BPIFB4: variants seen among roughly 807,000 people sequenced by gnomAD.
BPIFB4 encodes BPI fold containing family B member 4, also known as BPI fold-containing family B member 4.
BPIFB4 carries 62 observed loss-of-function variants against 69.2 expected under a neutral mutation model. The observed-to-expected ratio is 0.90, with a 90% CI of 0.73 to 1.11. The LOEUF is 1.11. Among genes scored for constraint, BPIFB4 ranks in the 50% least tolerant of loss-of-function variants. The probability of loss-of-function intolerance (pLI) is 0.00; values close to 1 mark genes in which losing one functional copy is unlikely to be tolerated. For missense variants in BPIFB4, 789 were observed against 792.0 expected (o/e 1.00, Z 0.04); for synonymous variants, 330 against 332.7 (o/e 0.99, Z 0.09).
intron 7 of BPIFB4, among the ~76,000 whole-genome samples, chr20:33,086,422 C>A (rs528588036): frequency 6.6e-6 from 1 of 152,176 alleles, no homozygotes; most frequent in African/African-American, 2.4e-5. Flanking sequence ...ATGTCATTTG[C>A]GACACACATT....
rs189861407 is a variant in BPIFB4 at position 33,085,286 on chromosome 20, C to A, written c.782+290C>A. ...CCTGGCCAACATGGTGAAACCCCGT[C>A]TCTACTAAAAATACAAAAATGGGCT... On this transcript the variant is annotated intron_variant, in intron 6 of 17. Coordinates refer to ENST00000375483, the MANE Select transcript of BPIFB4 (RefSeq NM_182519.3). 4.9e-3 allele frequency among the ~76,000 whole-genome samples: 748 copies of A among 152,232 alleles called. 6 individuals carry two copies. The highest frequency in any genetic ancestry group is 0.018 in the African/African-American group (729 of 41,528).
At position 33,083,508 on chromosome 20, in the gene BPIFB4, G is replaced by T; in HGVS notation, c.311G>T (p.Arg104Leu). 1 of 1,614,040 alleles carries T rather than the reference G, an allele frequency of 6.2e-7. No individual in the cohort carries two copies. Among genetic ancestry groups the T allele is most frequent in the South Asian group, 1.1e-5 (1 of 91,078 alleles). The part of the protein sequence containing the change: ...DNTAQLGGKY[R>L]YGEILESEGS... ...ACTGCTCAGCTGGGGGGCAAATACC[G>T]ATATGGTGAGATCCTTGAGTCCGAG... The change falls in exon 5 of 18, where the codon CGA (arginine) becomes CTA (leucine). Residue 104 changes from arginine (R) to leucine (L), a missense_variant. By Grantham distance (102) the Arg-to-Leu change is moderately radical (BLOSUM62 -2). Transcript: ENST00000375483.
intron 10 of BPIFB4, 98 bp downstream of exon 10, chr20:33,090,897 A>G (rs1004275269): frequency 1.4e-6 from 2 of 1,434,160 alleles, no homozygotes; most frequent in African/African-American, 1.4e-5. Flanking sequence ...ATGCCTGGGA[A>G]GTAACACTTG....
At chr20:33,086,186 A>G (rs769147128) in intron 7 of BPIFB4, 22 bp downstream of exon 7, 39 of 1,596,508 alleles carry the variant, frequency 2.4e-5, no homozygotes, top group Non-Finnish European at 3.3e-5. Context: ...CCGGCAGTGG[A>G]GTGCCTTGGG....
At chr20:33,107,478 A>G (rs1982101888) in intron 16 of BPIFB4, among the ~76,000 whole-genome samples, 1 of 151,072 alleles carries the variant, frequency 6.6e-6, no homozygotes, top group Non-Finnish European at 1.5e-5. Flanking sequence ...CAAACAAACA[A>G]AAAAAGCAAA....
chr20:33,089,456 C>T (rs1011730635), intron 8 of BPIFB4, 42 bp from the exon 9 acceptor site: 1 of 1,614,082 alleles, frequency 6.2e-7, no homozygotes, highest in African/African-American at 1.3e-5. Context: ...GCTCCTACTC[C>T]CTGCAGCGTC....
At chr20:33,111,123 T>G (rs1982226663) in intron 17 of BPIFB4, among the ~76,000 whole-genome samples, 1 of 152,056 alleles carries the variant, frequency 6.6e-6, no homozygotes, top group South Asian at 2.1e-4. Flanking sequence ...GCCAAAAAAT[T>G]TTTTTTAATT....
intron 14 of BPIFB4, among the ~76,000 whole-genome samples, chr20:33,101,402 C>T (rs1981905014): frequency 6.6e-6 from 1 of 152,152 alleles, no homozygotes; most frequent in South Asian, 2.1e-4. Context: ...ATTGGCCAAC[C>T]AACTTCACTC....
chr20:33,108,982 A>G (rs1430106647), intron 17 of BPIFB4, among the ~76,000 whole-genome samples: 1 of 152,114 alleles, frequency 6.6e-6, no homozygotes, highest in East Asian at 1.9e-4. Flanking sequence ...GACCCAGGGA[A>G]CAGCCCCCTT....
rs201605125 is a variant in BPIFB4 at position 33,100,472 on chromosome 20, T to A, written c.1616T>A (p.Met539Lys). The part of the protein sequence containing the change: ...ASFSTEGDKL[M>K]IDAKLEKTSL... ...TTTTCCACAGAAGGAGATAAGCTCA[T>A]GATTGATGCCAAGCTGGAGAAGTAA... The change falls in exon 14 of 18, where the codon ATG becomes AAG. Residue 539 changes from methionine (M) to lysine (K), a missense_variant. Transcript: ENST00000375483. The A allele has an allele frequency of 1.2e-4, 199 of 1,608,058 alleles. No homozygotes were observed. The highest frequency in any genetic ancestry group is 6.6e-4 in the Middle Eastern group (4 of 6,060).
At chr20:33,089,802 G>C (rs1981547470) in intron 9 of BPIFB4, among the ~76,000 whole-genome samples, 2 of 152,154 alleles carry the variant, frequency 1.3e-5, no homozygotes, top group Admixed American at 6.5e-5. Flanking sequence ...TGATGGCTCT[G>C]TCCTGGGAGT....
chr20:33,101,777 C>T (rs2146414071), intron 14 of BPIFB4, among the ~76,000 whole-genome samples: 1 of 152,324 alleles, frequency 6.6e-6, no homozygotes, highest in African/African-American at 2.4e-5. Flanking sequence ...AACTCCTGGG[C>T]TCAAGTGATC....
rs764150448 is a variant in BPIFB4 at position 33,089,001 on chromosome 20, G to A, written c.962G>A (p.Arg321Gln). ...LPNLVDNLVN[R>Q]VLADVLPDLL... Reference sequence around the variant, plus strand: ...AATCTCGTGGACAATTTAGTGAACCGAGTCCTGGCCGACGTCCTCCCTGAC... The same window carrying A: ...AATCTCGTGGACAATTTAGTGAACCAAGTCCTGGCCGACGTCCTCCCTGAC... Residue 321 changes from arginine to glutamine, a missense_variant, in exon 8 of 18, where the codon CGA (arginine) becomes CAA (glutamine). Physicochemically the swap from Arg to Gln is conservative, Grantham distance 43 (BLOSUM62 1). This residue lies in a region of BPIFB4 where 611 missense variants were observed against 575.4 expected (regional missense o/e 1.06). Transcript: ENST00000375483. 21 of 1,613,756 alleles carry A rather than the reference G, an allele frequency of 1.3e-5. No individual in the cohort carries two copies. The highest frequency in any genetic ancestry group is 8.9e-5 in the East Asian group (4 of 44,872).
chr20:33,083,818 T>C lies in BPIFB4; in HGVS notation c.621T>C (p.Gly207=). Residue 207 remains glycine, a synonymous_variant, in exon 5 of 18, where the codon GGT becomes GGC. Transcript: ENST00000375483. ...ATGGAGGACTTCTTGGAGGAGGGGG[T>C]GTCCTGGGCGTGCTCGGCGAGGGTG... ...LGDGGLLGGG[G]VLGVLGEGGI... The C allele has an allele frequency of 6.2e-7, 1 of 1,613,126 alleles. No individual in the cohort carries two copies. Among genetic ancestry groups the C allele is most frequent in the East Asian group, 2.2e-5 (1 of 44,862 alleles).
chr20:33,082,915 C>G lies in BPIFB4; in HGVS notation c.107-23C>G, dbSNP rs1017381264. The G allele has an allele frequency of 1.9e-6, 3 of 1,605,666 alleles. No individual in the cohort carries two copies. In the African/African-American group the frequency reaches 4.0e-5, roughly 22 times the overall value. ...GTGGAAAAAAGGGAGGAACCCTGGA[C>G]TGATGCCCTTGCCTCTCTGCAGCCA... On this transcript the variant is annotated intron_variant, in intron 3 of 17. Transcript: ENST00000375483.
chr20:33,108,528 G>T (rs1216756909), intron 17 of BPIFB4, among the ~76,000 whole-genome samples: 2 of 149,844 alleles, frequency 1.3e-5, no homozygotes, highest in South Asian at 2.1e-4. Flanking sequence ...ACATGGCTTT[G>T]CTCAGGGAAT....
chr20:33,098,965 C>T (rs1018500647), intron 13 of BPIFB4, among the ~76,000 whole-genome samples: 1 of 151,444 alleles, frequency 6.6e-6, no homozygotes, highest in Non-Finnish European at 1.5e-5. Context: ...CAGGTATCTG[C>T]ACAGTTACTC....
In BPIFB4 at chr20:33,083,784, T is replaced by G. The variant is rs866972653; in HGVS notation, c.587T>G (p.Leu196Arg). Residue 196 changes from leucine (L) to arginine (R), a missense_variant, in exon 5 of 18, where the codon CTC (leucine) becomes CGC (arginine). By Grantham distance (102) the Leu-to-Arg change is moderately radical. Transcript: ENST00000375483. ...GGTGGCCTGCTCGGCGGAGGTGGTC[T>G]CCTTGGTGATGGAGGACTTCTTGGA... ...GQGGLLGGGG[L>R]LGDGGLLGGG... 1.2e-6 allele frequency: 2 copies of G among 1,613,690 alleles called. No homozygotes were observed. Among genetic ancestry groups the G allele is most frequent in the African/African-American group, 1.3e-5 (1 of 75,004 alleles).
At chr20:33,086,552 C>T (rs949715076) in intron 7 of BPIFB4, among the ~76,000 whole-genome samples, 1 of 152,174 alleles carries the variant, frequency 6.6e-6, no homozygotes, top group African/African-American at 2.4e-5. Flanking sequence ...CTCTGAGCTC[C>T]AGTTTCCTCC....
Sources: allele counts gnomAD v4.1 joint callset (sites outside exome capture counted in the v4.1 genomes callset), GRCh38; gene constraint gnomAD v4.1.1; regional missense constraint gnomAD v4.1.1; transcripts MANE v1.5; gene names NCBI Gene and HGNC (gene_info 2026-07-23, HGNC 2026-07-21).